ABCA10: variants seen among roughly 807,000 people sequenced by gnomAD.
ABCA10 encodes ATP binding cassette subfamily A member 10.
A neutral mutation model predicts 187.5 loss-of-function variants in ABCA10; 169 were observed. That is an observed-to-expected ratio of 0.90 (90% CI 0.80 to 1.02). The LOEUF (loss-of-function observed/expected upper bound fraction) is 1.02. ABCA10 is among the 50% of genes least tolerant of loss of function. The pLI, the probability that ABCA10 is intolerant of heterozygous loss-of-function variation, is 0.00. For synonymous variants in ABCA10, 574 were observed against 601.8 expected, an observed-to-expected ratio of 0.95 and a Z score of 0.68; for missense variants, 1,727 against 1,812.4, an observed-to-expected ratio of 0.95 and a Z score of 0.86.
At chr17:69,242,462 C>T (rs556131967) in intron 1 of ABCA10, among the ~76,000 whole-genome samples, 12 of 152,168 alleles carry the variant, frequency 7.9e-5, no homozygotes, top group Admixed American at 6.5e-4. Flanking sequence ...AATTCATTTT[C>T]TTTCTTTCTG....
chr17:69,189,443 T>G (rs2074444473), intron 18 of ABCA10, among the ~76,000 whole-genome samples: 1 of 152,208 alleles, frequency 6.6e-6, no homozygotes, highest in African/African-American at 2.4e-5. Context: ...GTGCATAGTT[T>G]GCAAATATTT....
chr17:69,166,417 T>C (rs1399428767), intron 25 of ABCA10, among the ~76,000 whole-genome samples: 2 of 151,684 alleles, frequency 1.3e-5, no homozygotes, highest in Admixed American at 1.3e-4. Flanking sequence ...CATTTCAAAA[T>C]AAATAAATCC....
At chr17:69,209,928 T>G (rs2074625456) in intron 9 of ABCA10, among the ~76,000 whole-genome samples, 1 of 152,114 alleles carries the variant, frequency 6.6e-6, no homozygotes, top group African/African-American at 2.4e-5. Context: ...GATTATGATC[T>G]TCTGTGACCA....
intron 9 of ABCA10, among the ~76,000 whole-genome samples, chr17:69,212,469 A>G (rs1011756523): frequency 3.9e-5 from 6 of 152,196 alleles, no homozygotes; most frequent in Admixed American, 6.5e-5. Flanking sequence ...TATTCTGTAA[A>G]TATTTGTTAA....
intron 8 of ABCA10, chr17:69,215,344 T>C (rs1050760126): frequency 1.9e-5 from 3 of 158,340 alleles, no homozygotes; most frequent in Non-Finnish European, 2.7e-5. Flanking sequence ...ACTAGTGCTA[T>C]ATGTATATAA....
chr17:69,210,821 T>C lies in ABCA10; in HGVS notation c.1006+3883A>G, dbSNP rs1054309213. On this transcript the variant is annotated intron_variant, in intron 9 of 38. Coordinates refer to ENST00000690296, the MANE Select transcript of ABCA10 (RefSeq NM_001377321.1). ...ATATACAATGGCATATATATACATA[T>C]ATATATATGCCACATATTTATGCCA... 3.0e-5 allele frequency among the ~76,000 whole-genome samples: 4 copies of C among 135,416 alleles called. No homozygotes were observed. In the East Asian group the frequency reaches 8.0e-4, roughly 27 times the overall value. The allele number at this position is 135,416 out of a possible 152,430, so 88.8% of individuals were successfully genotyped here.
chr17:69,156,589 G>T (rs1361527952), intron 28 of ABCA10, among the ~76,000 whole-genome samples: 1 of 151,970 alleles, frequency 6.6e-6, no homozygotes, highest in African/African-American at 2.4e-5. Context: ...GAGGTCAGGG[G>T]TTTGAGACCA....
intron 35 of ABCA10, 57 bp from the exon 36 acceptor site, chr17:69,152,240 C>A: frequency 1.9e-6 from 3 of 1,581,382 alleles, no homozygotes; most frequent in Middle Eastern, 3.4e-4. Context: ...CCTCGGTTCT[C>A]ACTGTAGAGG....
chr17:69,153,598 C>G, intron 32 of ABCA10, 52 bp from the exon 33 acceptor site: 6 of 1,596,034 alleles, frequency 3.8e-6, no homozygotes, highest in Middle Eastern at 1.8e-4. Flanking sequence ...ATGGACCTAT[C>G]TAAAACAACT....
At chr17:69,233,553 G>A (rs757449707), upstream of ABCA10, 2 of 151,498 alleles carry the variant, frequency 1.3e-5, no homozygotes, top group Non-Finnish European at 2.9e-5. Context: ...ATCACTTTAG[G>A]GCCAGTCCCT....
rs981111026 is a variant in ABCA10, at chr17:69,149,901, C to T, written c.4477+83G>A. The stretch of plus-strand genomic sequence containing the variant: ...AGTTTTGATTGATTATTTCATTGTT[C>T]TACTTCAAATTACATAGTCTATATT... On this transcript the variant is annotated intron_variant, in intron 37 of 38. Coordinates refer to ENST00000690296, the MANE Select transcript of ABCA10 (RefSeq NM_001377321.1). 93 of 1,052,806 alleles carry T rather than the reference C, an allele frequency of 8.8e-5. No homozygotes were observed. The East Asian group carries it at 2.3e-3, about 26-fold the overall frequency. The allele number at this position is 1,052,806 out of a possible 1,614,324, so 65.2% of individuals were successfully genotyped here. A position where few individuals can be genotyped will look rare whatever the true frequency, so the allele number is the denominator to read the frequency against.
Position 69,225,385 on chromosome 17 carries a change from G to GT in ABCA10, c.-28dup. On this transcript the variant is annotated 5_prime_UTR_variant, in exon 3 of 39. Coordinates refer to ENST00000690296, the MANE Select transcript of ABCA10 (RefSeq NM_001377321.1). ...ATCCTTTGTGTTATGTTACTGACTGGTGTATATGCCACTACCAGGCCAGAG... is the reference window on the plus strand; with the variant it reads ...ATCCTTTGTGTTATGTTACTGACTGGTTGTATATGCCACTACCAGGCCAGAG... The GT allele has an allele frequency of 2.5e-6, 4 of 1,612,008 alleles. No homozygotes were observed. Among genetic ancestry groups the GT allele is most frequent in the Non-Finnish European group, 2.5e-6 (3 of 1,178,650 alleles).
At chr17:69,208,922 G>A (rs1184191882) in intron 9 of ABCA10, among the ~76,000 whole-genome samples, 5 of 152,070 alleles carry the variant, frequency 3.3e-5, no homozygotes, top group Admixed American at 3.3e-4. Context: ...CATGTCTGTG[G>A]TCCCAGCTAC....
intron 25 of ABCA10, among the ~76,000 whole-genome samples, chr17:69,172,472 A>G (rs979521535): frequency 2.0e-5 from 3 of 152,182 alleles, no homozygotes; most frequent in Non-Finnish European, 4.4e-5. Flanking sequence ...ATGGCCCTCT[A>G]TAAGCCAATG....
chr17:69,235,996 T>C (rs913548856), intron 1 of ABCA10, among the ~76,000 whole-genome samples: 1 of 152,174 alleles, frequency 6.6e-6, no homozygotes, highest in African/African-American at 2.4e-5. Context: ...TTCTCAACTT[T>C]TGTCTCAGTT....
intron 22 of ABCA10, 27 bp from the exon 23 acceptor site, chr17:69,175,540 C>A (rs1048481337): frequency 3.9e-6 from 6 of 1,524,084 alleles, no homozygotes; most frequent in Non-Finnish European, 5.4e-6. Flanking sequence ...CATCAGTAAG[C>A]TGTTGCAATT....
intron 25 of ABCA10, 43 bp downstream of exon 25, chr17:69,174,237 CA>C (rs1884976087): frequency 1.4e-6 from 2 of 1,388,276 alleles, no homozygotes; most frequent in Non-Finnish European, 2.0e-6. Context: ...AAAAAAACTT[CA>C]AGGAAATTTA....
rs201021667 is a variant in ABCA10, at chr17:69,221,826, G to A, written c.269C>T (p.Ala90Val). 8 of 1,613,198 alleles carry A rather than the reference G, an allele frequency of 5.0e-6. No individual in the cohort carries two copies. The East Asian group carries it at 8.9e-5, about 18-fold the overall frequency. ...TGCAGCATTAATTGCAGCTTGAAAA[G>A]CTACAAACCCTTTTAGCCAGTACTT... Reference protein sequence around the residue: ...LAKYWLKGFVAFQAAINAAII... With the variant: ...LAKYWLKGFVVFQAAINAAII... Residue 90 changes from alanine to valine, a missense_variant, in exon 5 of 39, where the codon GCT becomes GTT. Coordinates refer to ENST00000690296, the MANE Select transcript of ABCA10 (RefSeq NM_001377321.1).
intron 19 of ABCA10, among the ~76,000 whole-genome samples, chr17:69,186,446 G>T (rs949495586): frequency 8.5e-5 from 13 of 152,076 alleles, no homozygotes; most frequent in African/African-American, 3.1e-4. Context: ...TCAACATTGC[G>T]ATGAATCCAA....
Sources: gnomAD v4.1 joint callset for allele counts (sites outside exome capture counted in the v4.1 genomes callset) on GRCh38, gnomAD v4.1.1 for gene constraint, MANE v1.5 for transcripts, NCBI Gene and HGNC (gene_info 2026-07-23, HGNC 2026-07-21) for gene names.